ENAH: variants seen among roughly 807,000 people sequenced by gnomAD.
ENAH encodes protein enabled homolog.
Under a neutral mutation model 78.7 loss-of-function variants are expected in ENAH, and 23 were observed. The observed-to-expected ratio is 0.29, with a 90% confidence interval of 0.21 to 0.41. The LOEUF (loss-of-function observed/expected upper bound fraction) is 0.41, where lower values mean the gene tolerates loss of function less well. Ranked by LOEUF, ENAH falls within the 10% of genes least tolerant of loss-of-function variation. The pLI, the probability that ENAH is intolerant of heterozygous loss-of-function variation, is 1.00. For missense variants in ENAH, 544 were observed against 691.0 expected (o/e 0.79, Z 2.39); for synonymous variants, 226 against 241.0 (o/e 0.94, Z 0.58).
chr1:225,549,368 T>C (rs1423689896), intron 3 of ENAH, among the ~76,000 whole-genome samples: 2 of 152,162 alleles, frequency 1.3e-5, no homozygotes, highest in African/African-American at 4.8e-5. Flanking sequence ...TCCATCCTCT[T>C]TCACTCTGTC....
chr1:225,561,619 T>TTACAATAAAATAAAATAAAATAAAA (rs2096706261), intron 2 of ENAH, among the ~76,000 whole-genome samples: 1 of 125,810 alleles, frequency 7.9e-6, no homozygotes, highest in Admixed American at 8.1e-5. Flanking sequence ...AGATTCCGTC[T>TTACAATAAAATAAAATAAAATAAAA]TAAAATAAAA....
At position 225,580,741 on chromosome 1, in the gene ENAH, A is replaced by C. The variant is rs1192299289; in HGVS notation, c.6-13327T>G. ...GAGAACAGCCTGGCCAACATGGTGA[A>C]ACCCTGTCTCTATTAAAAATACAAA... is the stretch of plus-strand genomic sequence containing the variant. On this transcript the variant is annotated intron_variant, in intron 1 of 13. Coordinates refer to ENST00000366843, the MANE Select transcript of ENAH (RefSeq NM_018212.6). Among the ~76,000 whole-genome samples, 4 of 151,876 alleles carry C rather than the reference A, an allele frequency of 2.6e-5. No homozygotes were observed. In the East Asian group the frequency reaches 5.8e-4, roughly 22 times the overall value.
intron 1 of ENAH, among the ~76,000 whole-genome samples, chr1:225,632,363 T>C (rs1000955426): frequency 1.3e-5 from 2 of 152,132 alleles, no homozygotes; most frequent in African/African-American, 4.8e-5. Context: ...TTGGGCATAG[T>C]GGCAGGCGCC....
chr1:225,575,468 C>G (rs540183371), intron 1 of ENAH, among the ~76,000 whole-genome samples: 2 of 152,310 alleles, frequency 1.3e-5, no homozygotes, highest in African/African-American at 4.8e-5. Context: ...CTCTGTCTTC[C>G]TCAACATTTA....
At chr1:225,569,072 C>G (rs572666197) in intron 1 of ENAH, among the ~76,000 whole-genome samples, 1 of 152,290 alleles carries the variant, frequency 6.6e-6, no homozygotes, top group East Asian at 1.9e-4. Context: ...GTTGAAAAAT[C>G]TCTCCATCAT....
intron 1 of ENAH, among the ~76,000 whole-genome samples, chr1:225,600,058 A>C (rs756381697): frequency 1.5e-4 from 23 of 152,170 alleles, no homozygotes; most frequent in Non-Finnish European, 2.8e-4. Flanking sequence ...AAGCTCCCTG[A>C]GGCCTCACAA....
intron 3 of ENAH, among the ~76,000 whole-genome samples, chr1:225,554,522 T>G (rs1044806103): frequency 3.9e-5 from 6 of 152,204 alleles, no homozygotes; most frequent in African/African-American, 1.4e-4. Context: ...TCAGAAAACA[T>G]GTGTTTCTTT....
At chr1:225,530,842 A>C (rs2096534119) in intron 3 of ENAH, among the ~76,000 whole-genome samples, 1 of 152,216 alleles carries the variant, frequency 6.6e-6, no homozygotes, top group African/African-American at 2.4e-5. Context: ...CAGAAGGCTT[A>C]CTTGAAACAA....
chr1:225,519,062 C>A, intron 5 of ENAH, 136 bp downstream of exon 5: 1 of 1,291,460 alleles, frequency 7.7e-7, no homozygotes, highest in Non-Finnish European at 1.1e-6. Context: ...GTAATTGCTG[C>A]ATATTTATTC....
At chr1:225,514,396 C>G (rs2096400827) in intron 7 of ENAH, among the ~76,000 whole-genome samples, 200 bp downstream of exon 7, 1 of 151,960 alleles carries the variant, frequency 6.6e-6, no homozygotes, top group Non-Finnish European at 1.5e-5. Context: ...AACTCCTGAC[C>G]TCAGGTGATC....
chr1:225,526,900 G>C (rs891377204), intron 4 of ENAH, among the ~76,000 whole-genome samples: 1 of 151,994 alleles, frequency 6.6e-6, no homozygotes, highest in Non-Finnish European at 1.5e-5. Flanking sequence ...ATGATCCTTG[G>C]CTGTCTGTTC....
At chr1:225,499,529 G>T in intron 12 of ENAH, among the ~76,000 whole-genome samples, 1 of 152,132 alleles carries the variant, frequency 6.6e-6, no homozygotes, top group Middle Eastern at 3.4e-3. Context: ...AAAGTTAGCC[G>T]GGCGTGGTAG....
At chr1:225,640,827 A>C (rs1660889467) in intron 1 of ENAH, among the ~76,000 whole-genome samples, 1 of 152,180 alleles carries the variant, frequency 6.6e-6, no homozygotes, top group East Asian at 1.9e-4. Context: ...CACTGAAATT[A>C]AGTTAATTAG....
intron 1 of ENAH, among the ~76,000 whole-genome samples, chr1:225,615,041 TCCCTC>T (rs1184869557): frequency 3.3e-5 from 2 of 61,180 alleles, no homozygotes; most frequent in African/African-American, 2.2e-4. Context: ...CTCCCCGGTC[TCCCTC>T]TCCCTCTCCC....
chr1:225,537,506 C>G (rs2096567505), intron 3 of ENAH, among the ~76,000 whole-genome samples: 1 of 152,172 alleles, frequency 6.6e-6, no homozygotes, highest in African/African-American at 2.4e-5. Context: ...TATGCATAAG[C>G]CTAACAGAAC....
Position 225,652,941 on chromosome 1 carries a change from C to A in ENAH, c.-251G>T. The stretch of plus-strand genomic sequence containing the variant: ...GAGGCCGAGGCGCGGAGCTGGTCCC[C>A]AGGCGGCCGCCGCCTCCCACCTCCT... On this transcript the variant is annotated 5_prime_UTR_variant, in exon 1 of 14. Coordinates refer to ENST00000366843, the MANE Select transcript of ENAH (RefSeq NM_018212.6). 1 of 380,560 alleles carries A rather than the reference C, an allele frequency of 2.6e-6. No homozygotes were observed. Among genetic ancestry groups the A allele is most frequent in the Non-Finnish European group, 4.6e-6 (1 of 215,060 alleles). 23.6% of individuals were successfully genotyped at this position (380,560 alleles called of 1,614,324 possible).
In ENAH at chr1:225,519,546, G is replaced by A. The variant is rs554977125; in HGVS notation, c.454C>T (p.Arg152Trp). ...CTTTCCCGCTCCAGCTCCTTTTGCC[G>A]TTGCTGTTCTTGTAGTTGTCTGGAA... ...IQRRQLQEQQ[R>W]QKELERERLE... The change falls in exon 5 of 14, where the codon CGG (arginine) becomes TGG (tryptophan). Residue 152 changes from arginine to tryptophan, a missense_variant. Transcript: ENST00000366843. 51 of 1,604,572 alleles carry A rather than the reference G, an allele frequency of 3.2e-5. No individual in the cohort carries two copies. Among genetic ancestry groups the A allele is most frequent in the Admixed American group, 6.8e-5 (4 of 59,222 alleles).
At chr1:225,632,024 A>T (rs1659178953) in intron 1 of ENAH, among the ~76,000 whole-genome samples, 1 of 152,222 alleles carries the variant, frequency 6.6e-6, no homozygotes, top group Non-Finnish European at 1.5e-5. Context: ...TTCACAAAAC[A>T]TTTTTGTTTT....
intron 1 of ENAH, among the ~76,000 whole-genome samples, chr1:225,604,600 A>ATT (rs1164825302): frequency 6.7e-6 from 1 of 149,858 alleles, no homozygotes; most frequent in African/African-American, 2.5e-5. Context: ...CCTGGCCAAC[A>ATT]TGGTAAAACC....
Sources: gnomAD v4.1 joint callset for allele counts (sites outside exome capture counted in the v4.1 genomes callset) on GRCh38, gnomAD v4.1.1 for gene constraint, MANE v1.5 for transcripts, NCBI Gene and HGNC (gene_info 2026-07-23, HGNC 2026-07-21) for gene names.